The following DLGAP2 variants were observed in gnomAD, a reference collection of about 807,000 sequenced individuals.
The protein encoded by DLGAP2 is disks large-associated protein 2.
A neutral mutation model predicts 100.3 loss-of-function variants in DLGAP2; 26 were observed. The ratio of observed to expected loss-of-function variants is 0.26; its 90% CI spans 0.19 to 0.36. The LOEUF is 0.36. DLGAP2 is among the 10% of genes least tolerant of loss of function. The pLI is 1.00. For synonymous variants in DLGAP2, 886 were observed against 630.1 expected, an observed-to-expected ratio of 1.41 and a Z score of -6.08; for missense variants, 1,858 against 1,453.2, an observed-to-expected ratio of 1.28 and a Z score of -4.53.
chr8:1,009,347 C>T lies in DLGAP2; in HGVS notation c.73+101381C>T, dbSNP rs574304559. On this transcript the variant is annotated intron_variant, in intron 2 of 14. Transcript: ENST00000637795. ...ATTTCATAGATGTCATATCGGATAA[C>T]GGGCTTTTTCTATAATGGTTTATTT... Among the ~76,000 whole-genome samples the T allele has an allele frequency of 1.1e-4, 17 of 152,242 alleles. 1 individual carries two copies. In the South Asian group the frequency reaches 2.1e-3, roughly 19 times the overall value.
At chr8:1,383,693 C>T (rs960369599) in intron 3 of DLGAP2, among the ~76,000 whole-genome samples, 6 of 152,210 alleles carry the variant, frequency 3.9e-5, no homozygotes, top group Admixed American at 3.9e-4. Context: ...GGCTGAGGCT[C>T]TTCTCTGTAA....
At chr8:966,106 C>T (rs886465176) in intron 2 of DLGAP2, among the ~76,000 whole-genome samples, 6 of 152,322 alleles carry the variant, frequency 3.9e-5, no homozygotes, top group Admixed American at 1.3e-4. Flanking sequence ...GTCAGTCACG[C>T]GCTGAGACCA....
intron 14 of DLGAP2, among the ~76,000 whole-genome samples, chr8:1,698,337 T>C (rs981898172): frequency 5.2e-5 from 7 of 133,828 alleles, no homozygotes; most frequent in African/African-American, 1.1e-4. Flanking sequence ...GTAAGCCATG[T>C]GTGGGACTAG....
intron 8 of DLGAP2, among the ~76,000 whole-genome samples, chr8:1,661,041 G>A (rs1438045169): frequency 6.6e-6 from 1 of 152,210 alleles, no homozygotes; most frequent in African/African-American, 2.4e-5. Flanking sequence ...CAAGGGTTGG[G>A]GGAGGCTAGG....
intron 2 of DLGAP2, among the ~76,000 whole-genome samples, chr8:1,127,172 C>G (rs564896510): frequency 2.0e-5 from 3 of 151,280 alleles, no homozygotes; most frequent in East Asian, 2.0e-4. Context: ...CAACCCAGCT[C>G]TTAAACGGTC....
chr8:840,971 A>G (rs1479977990), intron 1 of DLGAP2, among the ~76,000 whole-genome samples: 7 of 152,064 alleles, frequency 4.6e-5, no homozygotes, highest in Admixed American at 4.6e-4. Flanking sequence ...TCTAGCTCTC[A>G]CTCTCTGGTG....
intron 1 of DLGAP2, among the ~76,000 whole-genome samples, chr8:884,743 C>A (rs1267094380): frequency 6.6e-6 from 1 of 152,148 alleles, no homozygotes; most frequent in Non-Finnish European, 1.5e-5. Flanking sequence ...AGGTTTTCTT[C>A]TAGGATTTTT....
At chr8:1,443,908 C>A (rs1021268376) in intron 3 of DLGAP2, among the ~76,000 whole-genome samples, 1 of 152,186 alleles carries the variant, frequency 6.6e-6, no homozygotes, top group Non-Finnish European at 1.5e-5. Flanking sequence ...TGATAAAAAA[C>A]AAAAGCCTTC....
chr8:1,540,870 G>C (rs1444490960), intron 4 of DLGAP2, among the ~76,000 whole-genome samples: 1 of 152,202 alleles, frequency 6.6e-6, no homozygotes, highest in Non-Finnish European at 1.5e-5. Flanking sequence ...CATCTATTTG[G>C]GGCTAAGATT....
intron 2 of DLGAP2, among the ~76,000 whole-genome samples, chr8:918,284 C>A (rs1185383724): frequency 6.6e-6 from 1 of 152,146 alleles, no homozygotes; most frequent in East Asian, 1.9e-4. Context: ...TAAAATATGC[C>A]TCTGTTATTT....
chr8:1,441,353 A>G (rs933529819), intron 3 of DLGAP2, among the ~76,000 whole-genome samples: 4 of 152,100 alleles, frequency 2.6e-5, no homozygotes, highest in Non-Finnish European at 5.9e-5. Flanking sequence ...ACTTTTGTTA[A>G]TTGTTCACTG....
intron 2 of DLGAP2, among the ~76,000 whole-genome samples, chr8:1,023,482 C>A (rs568365793): frequency 6.6e-6 from 1 of 152,136 alleles, no homozygotes; most frequent in Non-Finnish European, 1.5e-5. Flanking sequence ...AGTTGCACAC[C>A]GCAGCACCTG....
intron 8 of DLGAP2, among the ~76,000 whole-genome samples, chr8:1,656,893 A>G (rs1481470977): frequency 6.6e-6 from 1 of 152,226 alleles, no homozygotes; most frequent in Non-Finnish European, 1.5e-5. Flanking sequence ...ACACCAACTT[A>G]TGCGATCCCT....
At chr8:1,512,136 A>C (rs903334393) in intron 4 of DLGAP2, among the ~76,000 whole-genome samples, 3 of 152,232 alleles carry the variant, frequency 2.0e-5, no homozygotes, top group African/African-American at 7.2e-5. Context: ...TCCACAGTTC[A>C]GTGGGAGAAG....
At chr8:757,411 T>C (rs1246257788) in intron 1 of DLGAP2, among the ~76,000 whole-genome samples, 1 of 152,232 alleles carries the variant, frequency 6.6e-6, no homozygotes, top group African/African-American at 2.4e-5. Context: ...CATGGTGCAG[T>C]TGCATGAGAC....
intron 2 of DLGAP2, among the ~76,000 whole-genome samples, chr8:918,081 G>A (rs113743231): frequency 1.3e-5 from 2 of 152,134 alleles, no homozygotes; most frequent in African/African-American, 2.4e-5. Flanking sequence ...TGGGAGCTAC[G>A]GGTGTAAAAT....
At chr8:948,239 C>T (rs1799381773) in intron 2 of DLGAP2, among the ~76,000 whole-genome samples, 2 of 152,210 alleles carry the variant, frequency 1.3e-5, no homozygotes, top group Middle Eastern at 3.2e-3. Flanking sequence ...GTGGAGGCTC[C>T]CCCTACGGCC....
At chr8:1,260,258 G>A (rs967080523) in intron 3 of DLGAP2, among the ~76,000 whole-genome samples, 6 of 151,940 alleles carry the variant, frequency 3.9e-5, no homozygotes, top group Admixed American at 3.9e-4. Context: ...TTCCCACCAG[G>A]GAATGCATAT....
chr8:945,491 C>T (rs1232549719), intron 2 of DLGAP2, among the ~76,000 whole-genome samples: 4 of 152,178 alleles, frequency 2.6e-5, no homozygotes, highest in African/African-American at 7.2e-5. Context: ...ACTAAACTCA[C>T]GAAGAATGAG....
Sources: gnomAD v4.1 joint callset for allele counts (sites outside exome capture counted in the v4.1 genomes callset) on GRCh38, gnomAD v4.1.1 for gene constraint, MANE v1.5 for transcripts, NCBI Gene and HGNC (gene_info 2026-07-23, HGNC 2026-07-21) for gene names.